The following CFAP54 variants were observed in gnomAD, a reference collection of about 807,000 sequenced individuals.
CFAP54 encodes cilia and flagella associated protein 54.
A neutral mutation model predicts 370.4 loss-of-function variants in CFAP54; 290 were observed. The observed-to-expected ratio is 0.78, with a 90% confidence interval of 0.71 to 0.86. The LOEUF is 0.86. CFAP54 is among the 40% of genes least tolerant of loss of function. The pLI, the probability that CFAP54 is intolerant of heterozygous loss-of-function variation, is 0.00. For synonymous variants in CFAP54, 1,206 were observed against 1,236.5 expected, an observed-to-expected ratio of 0.98 and a Z score of 0.52; for missense variants, 3,399 against 3,528.7, an observed-to-expected ratio of 0.96 and a Z score of 0.93.
intron 47 of CFAP54, among the ~76,000 whole-genome samples, chr12:96,706,792 GTGTGTGTGTGTGTGTT>G (rs1404517473): frequency 9.2e-5 from 14 of 151,970 alleles, no homozygotes; most frequent in African/African-American, 3.4e-4. Context: ...GTGTGTATGT[GTGTGTGTGTGTGTGTT>G]TGTGTGCGCA....
intron 66 of CFAP54, among the ~76,000 whole-genome samples, chr12:96,853,573 A>C (rs1202793315): frequency 6.6e-6 from 1 of 152,188 alleles, no homozygotes; most frequent in Non-Finnish European, 1.5e-5. Flanking sequence ...TTTACTTTTT[A>C]CTTAAAAGAA....
chr12:96,516,660 G>A (rs1955238709), intron 5 of CFAP54, among the ~76,000 whole-genome samples: 1 of 152,136 alleles, frequency 6.6e-6, no homozygotes. Flanking sequence ...TAAAACTGTA[G>A]TATAGTACTC....
chr12:96,587,196 T>C (rs1297999513), intron 22 of CFAP54, among the ~76,000 whole-genome samples: 2 of 151,906 alleles, frequency 1.3e-5, no homozygotes, highest in South Asian at 2.1e-4. Flanking sequence ...GTCAGTTAGA[T>C]GTATGAATCT....
At chr12:96,649,815 T>A (rs1053700317) in intron 34 of CFAP54, 76 bp from the exon 35 acceptor site, 1 of 909,106 alleles carries the variant, frequency 1.1e-6, no homozygotes, top group African/African-American at 1.7e-5. Flanking sequence ...ACTCACTTGA[T>A]CCTTATCACC....
At chr12:96,775,533 T>C (rs1443803447) in intron 60 of CFAP54, among the ~76,000 whole-genome samples, 1 of 152,212 alleles carries the variant, frequency 6.6e-6, no homozygotes, top group Non-Finnish European at 1.5e-5. Flanking sequence ...CCATTAAAAA[T>C]GTAAAAACCA....
intron 17 of CFAP54, among the ~76,000 whole-genome samples, chr12:96,558,670 C>T (rs891627162): frequency 9.9e-5 from 15 of 152,054 alleles, no homozygotes; most frequent in African/African-American, 3.6e-4. Flanking sequence ...ACTGGATATT[C>T]ATATGCAAAA....
At chr12:96,824,977 A>G (rs576802114) in intron 65 of CFAP54, among the ~76,000 whole-genome samples, 5 of 151,942 alleles carry the variant, frequency 3.3e-5, no homozygotes, top group Middle Eastern at 3.4e-3. Flanking sequence ...TCATATCACC[A>G]TATCAGCAAA....
chr12:96,825,463 A>T (rs796505409), intron 65 of CFAP54, among the ~76,000 whole-genome samples: 2 of 115,240 alleles, frequency 1.7e-5, no homozygotes, highest in African/African-American at 7.3e-5. Context: ...ATATAATATA[A>T]TATATTATAT....
chr12:96,812,661 GT>G (rs1565987248), intron 64 of CFAP54, among the ~76,000 whole-genome samples: 1 of 152,136 alleles, frequency 6.6e-6, no homozygotes, highest in Non-Finnish European at 1.5e-5. Flanking sequence ...ACTAAAGCCT[GT>G]TCCATCACTA....
chr12:96,764,927 ATAT>A (rs762066333), intron 59 of CFAP54, 147 bp from the exon 60 acceptor site: 273 of 506,514 alleles, frequency 5.4e-4, no homozygotes, highest in Middle Eastern at 3.4e-3. Flanking sequence ...CAGGGATCAC[ATAT>A]TATTTTTTCA....
intron 37 of CFAP54, 42 bp downstream of exon 37, chr12:96,658,147 T>C (rs374808906): frequency 2.2e-4 from 329 of 1,512,300 alleles, no homozygotes; most frequent in Middle Eastern, 3.5e-4. Flanking sequence ...GAAGACTTCA[T>C]TGAAAAAAAA....
At chr12:96,548,102 A>G (rs1054775437) in intron 15 of CFAP54, 124 bp downstream of exon 15, 2 of 470,944 alleles carry the variant, frequency 4.2e-6, no homozygotes, top group Non-Finnish European at 7.4e-6. Context: ...TTTGAGGATT[A>G]TATGGCTTTA....
At chr12:96,807,899 G>A (rs984114253) in intron 63 of CFAP54, among the ~76,000 whole-genome samples, 1 of 152,068 alleles carries the variant, frequency 6.6e-6, no homozygotes, top group Non-Finnish European at 1.5e-5. Flanking sequence ...TCACACCACC[G>A]ATTCATGGAA....
intron 26 of CFAP54, among the ~76,000 whole-genome samples, chr12:96,614,835 A>G (rs1956398382): frequency 6.6e-6 from 1 of 152,232 alleles, no homozygotes; most frequent in Admixed American, 6.5e-5. Context: ...GGAGAACTAC[A>G]AACCACTGCT....
chr12:96,507,973 C>T (rs1445119555), intron 4 of CFAP54, among the ~76,000 whole-genome samples: 1 of 152,152 alleles, frequency 6.6e-6, no homozygotes. Flanking sequence ...GCCACCACTG[C>T]CATCTCTCAC....
chr12:96,821,046 C>G (rs1959026681), intron 65 of CFAP54, among the ~76,000 whole-genome samples: 2 of 152,106 alleles, frequency 1.3e-5, no homozygotes, highest in African/African-American at 4.8e-5. Flanking sequence ...AGATTGTACC[C>G]TCTGCCACTC....
At chr12:96,867,243 T>G (rs1368223915) in intron 67 of CFAP54, among the ~76,000 whole-genome samples, 1 of 152,188 alleles carries the variant, frequency 6.6e-6, no homozygotes, top group Non-Finnish European at 1.5e-5. Flanking sequence ...TATTCATTAG[T>G]CTGGTCCTCT....
chr12:96,550,654 T>G (rs928243271), intron 15 of CFAP54, among the ~76,000 whole-genome samples: 2 of 152,140 alleles, frequency 1.3e-5, no homozygotes, highest in East Asian at 3.8e-4. Flanking sequence ...GAGCTGAACA[T>G]CCTCCTGGGA....
intron 17 of CFAP54, among the ~76,000 whole-genome samples, chr12:96,557,400 TTAATC>T (rs1489536006): frequency 1.2e-4 from 19 of 152,252 alleles, no homozygotes; most frequent in African/African-American, 4.1e-4. Flanking sequence ...AAGCTAAACA[TTAATC>T]TAAATTATGA....
Sources: allele counts gnomAD v4.1 joint callset (sites outside exome capture counted in the v4.1 genomes callset), GRCh38; gene constraint gnomAD v4.1.1; transcripts MANE v1.5; gene names NCBI Gene and HGNC (gene_info 2026-07-23, HGNC 2026-07-21).